The following PDSS2 variants were observed in gnomAD, a reference collection of about 807,000 sequenced individuals.
PDSS2 encodes decaprenyl diphosphate synthase subunit 2.
PDSS2 carries 31 observed loss-of-function variants against 44.5 expected under a neutral mutation model. That is an observed-to-expected ratio of 0.70 (90% CI 0.52 to 0.94). PDSS2 has a LOEUF of 0.94. Ranked by LOEUF, PDSS2 falls within the 40% of genes least tolerant of loss-of-function variation. The probability of loss-of-function intolerance (pLI) is 0.00; values close to 1 mark genes in which losing one functional copy is unlikely to be tolerated. For synonymous variants in PDSS2, 157 were observed against 180.3 expected (o/e 0.87, Z 1.03); for missense variants, 452 against 482.2 (o/e 0.94, Z 0.59).
intron 3 of PDSS2, among the ~76,000 whole-genome samples, chr6:107,247,654 C>A (rs1330096106): frequency 6.6e-6 from 1 of 152,038 alleles, no homozygotes; most frequent in Non-Finnish European, 1.5e-5. Context: ...ACCCAGTGCA[C>A]ATATCAATCT....
intron 1 of PDSS2, among the ~76,000 whole-genome samples, chr6:107,427,781 A>T (rs1052301056): frequency 1.2e-4 from 19 of 152,202 alleles, no homozygotes; most frequent in Non-Finnish European, 2.8e-4. Context: ...TTTGTAATGC[A>T]TATGAGTATT....
chr6:107,235,206 G>A (rs1774183965), intron 4 of PDSS2, among the ~76,000 whole-genome samples: 1 of 152,198 alleles, frequency 6.6e-6, no homozygotes, highest in Admixed American at 6.5e-5. Context: ...TCATAGGGCA[G>A]AGTACACAAG....
In PDSS2 at chr6:107,339,155, G is replaced by T. The variant is rs117347732; in HGVS notation, c.297-4823C>A. 1.9e-3 allele frequency among the ~76,000 whole-genome samples: 289 copies of T among 152,318 alleles called. 1 individual carries two copies. Among genetic ancestry groups the T allele is most frequent in the Middle Eastern group, 6.8e-3 (2 of 294 alleles). ...TGTTACTAGAGATGTTTAAGAAGCTGCACGGACTCTGACATAACACATTAG... is the reference window on the plus strand; with the variant it reads ...TGTTACTAGAGATGTTTAAGAAGCTTCACGGACTCTGACATAACACATTAG... On this transcript the variant is annotated intron_variant, in intron 1 of 7. Coordinates refer to ENST00000369037, the MANE Select transcript of PDSS2 (RefSeq NM_020381.4).
chr6:107,395,807 AT>A (rs1397088244), intron 1 of PDSS2, among the ~76,000 whole-genome samples: 1 of 151,966 alleles, frequency 6.6e-6, no homozygotes. Flanking sequence ...ATGTCTAGTA[AT>A]TTTTTTACTG....
At chr6:107,303,721 A>G (rs1396723259) in intron 2 of PDSS2, among the ~76,000 whole-genome samples, 1 of 152,126 alleles carries the variant, frequency 6.6e-6, no homozygotes, top group Non-Finnish European at 1.5e-5. Flanking sequence ...ACCCCACTAA[A>G]AACTATTTAG....
At chr6:107,417,535 G>C (rs1780699168) in intron 1 of PDSS2, among the ~76,000 whole-genome samples, 1 of 152,186 alleles carries the variant, frequency 6.6e-6, no homozygotes, top group Admixed American at 6.5e-5. Flanking sequence ...GAGGCAGCTG[G>C]ATCACTTGAG....
chr6:107,449,297 G>A (rs1296421863), intron 1 of PDSS2, among the ~76,000 whole-genome samples: 1 of 152,092 alleles, frequency 6.6e-6, no homozygotes, highest in Non-Finnish European at 1.5e-5. Context: ...AAAAAATTGG[G>A]TAAAATTTAC....
intron 7 of PDSS2, among the ~76,000 whole-genome samples, chr6:107,163,593 T>A (rs1343506183): frequency 6.6e-6 from 1 of 151,796 alleles, no homozygotes; most frequent in Non-Finnish European, 1.5e-5. Flanking sequence ...AAAAGAATGA[T>A]CTTGTTCTTT....
rs144556020 is a variant in PDSS2 at position 107,405,390 on chromosome 6, GAAATT to G, written c.296+53595_296+53599del. ...CAATTACAAAAAGGAGGAAGAGAAA[GAAATT>G]AAATAGGAACACAACAGAACACAAA... is the stretch of plus-strand genomic sequence containing the variant. On this transcript the variant is annotated intron_variant, in intron 1 of 7. Coordinates refer to ENST00000369037, the MANE Select transcript of PDSS2 (RefSeq NM_020381.4). Among the ~76,000 whole-genome samples the G allele has an allele frequency of 9.0e-3, 1,356 of 150,238 alleles. 46 individuals are homozygous for G. In the East Asian group the frequency reaches 0.12, roughly 13 times the overall value.
At chr6:107,179,843 A>G (rs6568470) in intron 7 of PDSS2, among the ~76,000 whole-genome samples, 103,665 of 151,984 alleles carry the variant, frequency 0.68, 35,449 homozygotes, top group South Asian at 0.79. Flanking sequence ...TAGGAAATAT[A>G]GAGGAATGGC....
intron 2 of PDSS2, among the ~76,000 whole-genome samples, chr6:107,284,213 T>C (rs975630798): frequency 6.6e-6 from 1 of 152,100 alleles, no homozygotes; most frequent in African/African-American, 2.4e-5. Context: ...GAATAATATT[T>C]ACATAATCTT....
Position 107,246,402 on chromosome 6 carries a change from CA to C in PDSS2, c.631-784del, listed in dbSNP as rs569178432. Among the ~76,000 whole-genome samples the C allele has an allele frequency of 4.6e-5, 7 of 152,228 alleles. No homozygotes were observed. In the South Asian group the frequency reaches 1.4e-3, roughly 32 times the overall value. Reference sequence around the variant, plus strand: ...ATGATAATGTTCAATGTAGCCATTTCAAATAAGAATTCCTCAAGGCAACCCC... The same window carrying C: ...ATGATAATGTTCAATGTAGCCATTTCAATAAGAATTCCTCAAGGCAACCCC... On this transcript the variant is annotated intron_variant, in intron 3 of 7. Coordinates refer to ENST00000369037, the MANE Select transcript of PDSS2 (RefSeq NM_020381.4).
intron 2 of PDSS2, among the ~76,000 whole-genome samples, chr6:107,325,579 A>G (rs780441765): frequency 2.4e-4 from 36 of 152,008 alleles, no homozygotes; most frequent in Non-Finnish European, 4.6e-4. Flanking sequence ...TTTATACTTT[A>G]TTATTTTTAT....
chr6:107,217,745 G>A (rs1043903207), intron 4 of PDSS2, among the ~76,000 whole-genome samples: 8 of 152,134 alleles, frequency 5.3e-5, no homozygotes, highest in South Asian at 2.1e-4. Flanking sequence ...ACATACATGC[G>A]AAATGAAATA....
At chr6:107,346,879 T>C (rs1417754598) in intron 1 of PDSS2, among the ~76,000 whole-genome samples, 1 of 152,228 alleles carries the variant, frequency 6.6e-6, no homozygotes, top group Non-Finnish European at 1.5e-5. Flanking sequence ...GTCTGGTGTA[T>C]TGATAGAGTT....
intron 4 of PDSS2, among the ~76,000 whole-genome samples, chr6:107,238,448 A>T (rs1774303925): frequency 6.6e-6 from 1 of 152,228 alleles, no homozygotes. Context: ...AGACAGCCCC[A>T]TAGGGTGAAG....
At chr6:107,248,921 C>T (rs749596018) in intron 3 of PDSS2, among the ~76,000 whole-genome samples, 2 of 152,116 alleles carry the variant, frequency 1.3e-5, no homozygotes, top group African/African-American at 4.8e-5. Context: ...GGTTTCAATA[C>T]CTAGAATTAT....
chr6:107,321,676 T>C lies in PDSS2; in HGVS notation c.431+12522A>G, dbSNP rs375394611. Among the ~76,000 whole-genome samples, 7 of 152,322 alleles carry C rather than the reference T, an allele frequency of 4.6e-5. No individual in the cohort carries two copies. The South Asian group carries it at 8.3e-4, about 18-fold the overall frequency. ...AGCTCTACTTCTGCCATCACTCCTC[T>C]TCTCTGTGCCTCTACATTTATTGAA... On this transcript the variant is annotated intron_variant, in intron 2 of 7. Coordinates refer to ENST00000369037, the MANE Select transcript of PDSS2 (RefSeq NM_020381.4).
At chr6:107,272,850 T>G (rs1178968105) in intron 3 of PDSS2, among the ~76,000 whole-genome samples, 2 of 152,158 alleles carry the variant, frequency 1.3e-5, no homozygotes, top group East Asian at 3.9e-4. Context: ...AGCCAGCTAC[T>G]CAGGAGGCTG....
Sources: allele counts gnomAD v4.1 joint callset (sites outside exome capture counted in the v4.1 genomes callset), GRCh38; gene constraint gnomAD v4.1.1; transcripts MANE v1.5; gene names NCBI Gene and HGNC (gene_info 2026-07-23, HGNC 2026-07-21).